The following GBF1 variants were observed in gnomAD, a reference collection of about 807,000 sequenced individuals.
GBF1 encodes the protein Golgi-specific brefeldin A-resistance guanine nucleotide exchange factor 1.
In GBF1, 114 loss-of-function variants were observed where a neutral mutation model predicts 210.5. The ratio of observed to expected loss-of-function variants is 0.54; its 90% confidence interval spans 0.47 to 0.63. The LOEUF (loss-of-function observed/expected upper bound fraction) is 0.63, where lower values mean the gene tolerates loss of function less well. Among genes scored for constraint, GBF1 ranks in the 30% least tolerant of loss-of-function variants. GBF1 has a pLI of 0.00. For missense variants in GBF1, 1,851 were observed against 2,357.7 expected (o/e 0.79, Z 4.45); for synonymous variants, 850 against 889.2 (o/e 0.96, Z 0.78).
chr10:102,310,429 G>A (rs1477779331), intron 3 of GBF1, among the ~76,000 whole-genome samples: 1 of 152,176 alleles, frequency 6.6e-6, no homozygotes, highest in Non-Finnish European at 1.5e-5. Flanking sequence ...GCCTGTATTA[G>A]TTGAGATTCC....
chr10:102,341,681 G>C (rs1397815604), intron 3 of GBF1, among the ~76,000 whole-genome samples: 2 of 152,200 alleles, frequency 1.3e-5, no homozygotes, highest in African/African-American at 2.4e-5. Flanking sequence ...AAGGAAGCCA[G>C]TCTGAAAATT....
At chr10:102,275,975 G>A (rs544793357) in intron 3 of GBF1, among the ~76,000 whole-genome samples, 2 of 152,304 alleles carry the variant, frequency 1.3e-5, no homozygotes, top group East Asian at 1.9e-4. Flanking sequence ...GGTGGCTCAC[G>A]CCTGTAATCC....
rs1389150683 is a variant in GBF1 at position 102,344,176 on chromosome 10, C to T, written c.289C>T (p.Leu97Phe). The change falls in exon 4 of 40, where the codon CTC becomes TTC. Residue 97 changes from leucine to phenylalanine, a missense_variant. Physicochemically the swap from Leu to Phe is conservative, Grantham distance 22. Coordinates refer to ENST00000369983, the MANE Select transcript of GBF1 (RefSeq NM_001377137.1). ...TSVNKFLSYA[L>F]IDPTHEGTAE... ...TGTCAACAAGTTCCTGTCCTATGCA[C>T]TCATAGGTAAGAGCTCAGGCTTTGT... is the stretch of plus-strand genomic sequence containing the variant. 1 of 1,613,114 alleles carries T rather than the reference C, an allele frequency of 6.2e-7. No individual in the cohort carries two copies. Among genetic ancestry groups the T allele is most frequent in the African/African-American group, 1.3e-5 (1 of 74,936 alleles).
rs143351840 is a variant in GBF1, at chr10:102,362,519, A to G, written c.1731A>G (p.Leu577=). 6.2e-6 allele frequency: 10 copies of G among 1,613,748 alleles called. No homozygotes were observed. In the African/African-American group the frequency reaches 1.1e-4, roughly 17 times the overall value. The part of the protein sequence containing the change: ...VSGQLYTTHL[L]SLDALLTVID... ...GTCAACTCTATACAACACACCTACT[A>G]TCTCTTGATGCCCTATTGACAGTGA... Residue 577 remains leucine (L), a synonymous_variant, in exon 15 of 40, where the codon CTA becomes CTG. Coordinates refer to ENST00000369983, the MANE Select transcript of GBF1 (RefSeq NM_001377137.1).
At chr10:102,325,263 G>A (rs1306667067) in intron 3 of GBF1, among the ~76,000 whole-genome samples, 1 of 152,162 alleles carries the variant, frequency 6.6e-6, no homozygotes, top group East Asian at 1.9e-4. Context: ...CGAATGCTGA[G>A]AAGGGCTGGG....
intron 3 of GBF1, among the ~76,000 whole-genome samples, chr10:102,260,781 T>C (rs886969869): frequency 2.6e-5 from 4 of 152,084 alleles, no homozygotes; most frequent in African/African-American, 9.6e-5. Flanking sequence ...CTGGCCTATA[T>C]TTTCTTTAAA....
At chr10:102,266,969 T>G (rs1006186360) in intron 3 of GBF1, among the ~76,000 whole-genome samples, 1 of 152,198 alleles carries the variant, frequency 6.6e-6, no homozygotes, top group Admixed American at 6.5e-5. Context: ...CTAGGAGGTT[T>G]GAGTCCATCT....
chr10:102,259,085 C>A (rs372407795), intron 2 of GBF1, 51 bp downstream of exon 2: 2 of 901,968 alleles, frequency 2.2e-6, no homozygotes, highest in African/African-American at 1.6e-5. Context: ...TATAGGGGAT[C>A]TGTTGGCATG....
chr10:102,324,422 A>G (rs1451616868), intron 3 of GBF1, among the ~76,000 whole-genome samples: 2 of 152,208 alleles, frequency 1.3e-5, no homozygotes, highest in African/African-American at 4.8e-5. Flanking sequence ...TAAGAAGGAA[A>G]AAATGCCAGG....
intron 3 of GBF1, among the ~76,000 whole-genome samples, chr10:102,339,752 C>A (rs2058041933): frequency 6.6e-6 from 1 of 151,966 alleles, no homozygotes; most frequent in African/African-American, 2.4e-5. Flanking sequence ...TGAAACAGAA[C>A]AGAACCCAGA....
chr10:102,349,165 G>GA (rs545758773), intron 4 of GBF1, among the ~76,000 whole-genome samples: 6 of 148,242 alleles, frequency 4.0e-5, no homozygotes, highest in Admixed American at 6.7e-5. Flanking sequence ...AACAAAAAAA[G>GA]AAAAAAAAAA....
intron 3 of GBF1, among the ~76,000 whole-genome samples, chr10:102,327,374 T>C (rs1228705448): frequency 6.6e-6 from 1 of 152,224 alleles, no homozygotes; most frequent in Non-Finnish European, 1.5e-5. Context: ...TAAATGCACA[T>C]CTACCCTGTG....
chr10:102,358,661 C>T lies in GBF1; in HGVS notation c.943C>T (p.Pro315Ser). 6.2e-7 allele frequency: 1 copy of T among 1,614,046 alleles called. No homozygotes were observed. The highest frequency in any genetic ancestry group is 8.5e-7 in the Non-Finnish European group (1 of 1,179,894). ...DLTDLEQPGS[P>S]GYSTATEPGS... The stretch of plus-strand genomic sequence containing the variant: ...TACTGATCTAGAGCAACCTGGCTCT[C>T]CAGGGTACAGCACAGCTACAGAGCC... The change falls in exon 10 of 40, where the codon CCA becomes TCA. Residue 315 changes from proline (P) to serine (S), a missense_variant. Coordinates refer to ENST00000369983, the MANE Select transcript of GBF1 (RefSeq NM_001377137.1).
At chr10:102,307,933 A>G (rs1405447618) in intron 3 of GBF1, among the ~76,000 whole-genome samples, 1 of 152,200 alleles carries the variant, frequency 6.6e-6, no homozygotes, top group African/African-American at 2.4e-5. Context: ...TCATTAGGGA[A>G]CTTCAAAACC....
At chr10:102,336,513 C>T (rs1040021883) in intron 3 of GBF1, among the ~76,000 whole-genome samples, 3 of 151,922 alleles carry the variant, frequency 2.0e-5, no homozygotes, top group Admixed American at 1.3e-4. Flanking sequence ...ACATAGTATA[C>T]GCTCAGTGAA....
chr10:102,345,325 G>A (rs1237217872), intron 4 of GBF1, among the ~76,000 whole-genome samples: 6 of 150,928 alleles, frequency 4.0e-5, no homozygotes, highest in African/African-American at 1.5e-4. Flanking sequence ...ATAAAAATAG[G>A]ATTATGTGCT....
intron 3 of GBF1, among the ~76,000 whole-genome samples, chr10:102,267,127 G>A (rs963727169): frequency 3.9e-5 from 6 of 152,212 alleles, no homozygotes; most frequent in African/African-American, 1.2e-4. Flanking sequence ...GATACCTCAA[G>A]TTTAATCTGT....
chr10:102,259,911 G>A, intron 2 of GBF1, 139 bp from the exon 3 acceptor site: 1 of 586,870 alleles, frequency 1.7e-6, no homozygotes. Context: ...TATGAACTAT[G>A]GCTAATTTTC....
chr10:102,253,749 A>G (rs2071935001), intron 1 of GBF1, among the ~76,000 whole-genome samples: 1 of 152,218 alleles, frequency 6.6e-6, no homozygotes, highest in Admixed American at 6.5e-5. Context: ...CCTTGGCTCA[A>G]GTGATCCTCC....
Sources: allele counts gnomAD v4.1 joint callset (sites outside exome capture counted in the v4.1 genomes callset), GRCh38; gene constraint gnomAD v4.1.1; transcripts MANE v1.5; gene names NCBI Gene and HGNC (gene_info 2026-07-23, HGNC 2026-07-21).